CREB5: variants seen among roughly 807,000 people sequenced by gnomAD.
CREB5 encodes cAMP responsive element binding protein 5, also known as cyclic AMP-responsive element-binding protein 5.
CREB5 carries 19 observed loss-of-function variants against 57.1 expected under a neutral mutation model. The observed-to-expected ratio is 0.33, with a 90% CI of 0.23 to 0.49. CREB5 has a LOEUF of 0.49. CREB5 is among the 20% of genes least tolerant of loss of function. The pLI, the probability that CREB5 is intolerant of heterozygous loss-of-function variation, is 0.99. For missense variants in CREB5, 579 were observed against 671.6 expected, an observed-to-expected ratio of 0.86 and a Z score of 1.52; for synonymous variants, 238 against 238.3, an observed-to-expected ratio of 1.00 and a Z score of 0.01.
At chr7:28,503,686 G>A (rs1792363589) in intron 3 of CREB5, among the ~76,000 whole-genome samples, 1 of 152,120 alleles carries the variant, frequency 6.6e-6, no homozygotes, top group Non-Finnish European at 1.5e-5. Flanking sequence ...AGCACGTTGA[G>A]CGATGTTTTC....
intron 7 of CREB5, among the ~76,000 whole-genome samples, chr7:28,794,866 G>A (rs535168810): frequency 6.6e-5 from 10 of 152,076 alleles, no homozygotes; most frequent in African/African-American, 1.7e-4. Context: ...ATCATCAAAC[G>A]TGCCAAGATG....
At chr7:28,560,841 T>TGTGCGTGCGTGTGCGCGCGTGC (rs1443960015) in intron 4 of CREB5, among the ~76,000 whole-genome samples, 3 of 75,118 alleles carry the variant, frequency 4.0e-5, no homozygotes, top group African/African-American at 9.8e-5. Flanking sequence ...CGCGTGTGTG[T>TGTGCGTGCGTGTGCGCGCGTGC]GTGCGCGTGT....
rs1554281543 is a variant in CREB5 at position 28,658,955 on chromosome 7, A to ATATATATATATATATATGTG, written c.465-59781_465-59780insGTGTATATATATATATATAT. Among the ~76,000 whole-genome samples, 33 of 47,534 alleles carry ATATATATATATATATATGTG rather than the reference A, an allele frequency of 6.9e-4. 1 individual carries two copies. Among genetic ancestry groups the ATATATATATATATATATGTG allele is most frequent in the African/African-American group, 3.5e-3 (32 of 9,258 alleles). The allele number at this position is 47,534 out of a possible 152,430, so 31.2% of individuals were successfully genotyped here. On this transcript the variant is annotated intron_variant, in intron 5 of 10. Transcript: ENST00000357727. Reference sequence around the variant, plus strand: ...CTAAATATTATATGTGTGTGTGTGTATATATATATATATATATATATATAT... The same window carrying ATATATATATATATATATGTG: ...CTAAATATTATATGTGTGTGTGTGTATATATATATATATATATGTGTATATATATATATATATATATATAT...
At chr7:28,695,356 T>G (rs567251737) in intron 5 of CREB5, among the ~76,000 whole-genome samples, 1 of 152,358 alleles carries the variant, frequency 6.6e-6, no homozygotes, top group African/African-American at 2.4e-5. Flanking sequence ...GCCAGTGAGC[T>G]TCCTGGTGCC....
chr7:28,746,724 A>C (rs1804700155), intron 7 of CREB5, among the ~76,000 whole-genome samples: 1 of 152,194 alleles, frequency 6.6e-6, no homozygotes, highest in African/African-American at 2.4e-5. Context: ...TTCAGTTTGT[A>C]ATGAAGCTTA....
At chr7:28,357,478 T>C (rs1786369790) in intron 1 of CREB5, among the ~76,000 whole-genome samples, 1 of 152,230 alleles carries the variant, frequency 6.6e-6, no homozygotes, top group South Asian at 2.1e-4. Flanking sequence ...GATTTTGCTG[T>C]TTGCAGTCAT....
chr7:28,368,873 CCT>C (rs1241044222), intron 1 of CREB5, among the ~76,000 whole-genome samples: 1 of 152,156 alleles, frequency 6.6e-6, no homozygotes, highest in African/African-American at 2.4e-5. Context: ...ATGGCAAGAA[CCT>C]CTTTCTACAA....
intron 9 of CREB5, among the ~76,000 whole-genome samples, chr7:28,810,606 G>A (rs1457622675): frequency 6.6e-6 from 1 of 152,168 alleles, no homozygotes; most frequent in Non-Finnish European, 1.5e-5. Context: ...TGAAGCAGGA[G>A]AATGGCTTGA....
chr7:28,722,313 T>G (rs543524152), intron 6 of CREB5, among the ~76,000 whole-genome samples: 2 of 152,316 alleles, frequency 1.3e-5, no homozygotes, highest in East Asian at 3.9e-4. Context: ...GATCCTTCTT[T>G]GGCAACCTGG....
At chr7:28,604,552 T>A (rs1004605831) in intron 5 of CREB5, among the ~76,000 whole-genome samples, 1 of 152,020 alleles carries the variant, frequency 6.6e-6, no homozygotes, top group African/African-American at 2.4e-5. Context: ...TGTATCCAAT[T>A]GAGGAACTTC....
At chr7:28,722,857 A>G (rs1487076122) in intron 6 of CREB5, among the ~76,000 whole-genome samples, 1 of 152,206 alleles carries the variant, frequency 6.6e-6, no homozygotes, top group Non-Finnish European at 1.5e-5. Context: ...ATTGAGAGAA[A>G]GCTTTTAGCT....
chr7:28,498,646 C>T (rs190947179), intron 3 of CREB5, among the ~76,000 whole-genome samples: 527 of 152,244 alleles, frequency 3.5e-3, no homozygotes, highest in Non-Finnish European at 3.6e-3. Flanking sequence ...TGACAGTCCT[C>T]GTGTTTTATT....
chr7:28,344,448 C>A (rs886854141), intron 1 of CREB5, among the ~76,000 whole-genome samples: 5 of 152,148 alleles, frequency 3.3e-5, no homozygotes, highest in African/African-American at 1.2e-4. Flanking sequence ...TGTTGAAAAT[C>A]AGTTGGCTGT....
chr7:28,512,624 G>A (rs973661066), intron 4 of CREB5, among the ~76,000 whole-genome samples: 1 of 149,172 alleles, frequency 6.7e-6, no homozygotes, highest in East Asian at 1.9e-4. Flanking sequence ...TAGGAGATGG[G>A]AAATAGATTT....
At position 28,769,238 on chromosome 7, in the gene CREB5, T is replaced by C. The variant is rs141611528; in HGVS notation, c.703-34961T>C. Among the ~76,000 whole-genome samples the C allele has an allele frequency of 1.3e-4, 20 of 152,356 alleles. No homozygotes were observed. In the East Asian group the frequency reaches 3.9e-3, roughly 29 times the overall value. On this transcript the variant is annotated intron_variant, in intron 7 of 10. Transcript: ENST00000357727. ...GATATCTTGTTTGCTTATGAACCTC[T>C]AGTGCTTGTAAAAAACGTGTCCTAG...
intron 1 of CREB5, among the ~76,000 whole-genome samples, chr7:28,340,703 C>T (rs1010986862): frequency 4.6e-5 from 7 of 152,226 alleles, no homozygotes; most frequent in African/African-American, 1.2e-4. Flanking sequence ...AGCACCAGGA[C>T]TTGCCTAGGA....
At chr7:28,583,036 C>T (rs1233003662) in intron 5 of CREB5, among the ~76,000 whole-genome samples, 1 of 152,120 alleles carries the variant, frequency 6.6e-6, no homozygotes, top group Non-Finnish European at 1.5e-5. Flanking sequence ...ACAGAGCCTG[C>T]CCAGGGGCTG....
At chr7:28,761,586 A>G (rs898996921) in intron 7 of CREB5, among the ~76,000 whole-genome samples, 72 of 152,194 alleles carry the variant, frequency 4.7e-4, no homozygotes, top group African/African-American at 1.7e-3. Flanking sequence ...TTTCTCTTTC[A>G]CGGCATCGTA....
At chr7:28,571,206 G>A (rs139059773) in intron 5 of CREB5, among the ~76,000 whole-genome samples, 1 of 152,260 alleles carries the variant, frequency 6.6e-6, no homozygotes, top group East Asian at 1.9e-4. Flanking sequence ...TCAGAATGGT[G>A]AGCAGTTTAA....
Sources: allele counts gnomAD v4.1 joint callset (sites outside exome capture counted in the v4.1 genomes callset), GRCh38; gene constraint gnomAD v4.1.1; transcripts MANE v1.5; gene names NCBI Gene and HGNC (gene_info 2026-07-23, HGNC 2026-07-21).